HMBOX1: variants seen among roughly 807,000 people sequenced by gnomAD.
The protein encoded by HMBOX1 is homeobox-containing protein 1.
HMBOX1 carries 14 observed loss-of-function variants against 54.5 expected under a neutral mutation model. The ratio of observed to expected loss-of-function variants is 0.26; its 90% CI spans 0.17 to 0.40. HMBOX1 has a LOEUF of 0.40. Ranked by LOEUF, HMBOX1 falls within the 10% of genes least tolerant of loss-of-function variation. HMBOX1 has a pLI of 1.00. For missense variants in HMBOX1, 332 were observed against 514.4 expected (o/e 0.65, Z 3.43); for synonymous variants, 160 against 181.0 (o/e 0.88, Z 0.93).
chr8:28,955,673 T>TG (rs1257167831), intron 1 of HMBOX1, among the ~76,000 whole-genome samples: 1 of 152,140 alleles, frequency 6.6e-6, no homozygotes, highest in African/African-American at 2.4e-5. Flanking sequence ...AAATTGGGGC[T>TG]GGGCACGGTG....
At chr8:28,951,431 C>T in intron 1 of HMBOX1, among the ~76,000 whole-genome samples, 1 of 152,006 alleles carries the variant, frequency 6.6e-6, no homozygotes, top group Non-Finnish European at 1.5e-5. Flanking sequence ...GCGCCCGGCC[C>T]AAATAATATT....
chr8:28,911,703 A>G (rs1389714131), intron 1 of HMBOX1, among the ~76,000 whole-genome samples: 1 of 152,126 alleles, frequency 6.6e-6, no homozygotes, highest in African/African-American at 2.4e-5. Flanking sequence ...CCCCTGCTGC[A>G]GTGGTCATCT....
chr8:28,910,953 A>G (rs923648808), intron 1 of HMBOX1, among the ~76,000 whole-genome samples: 2 of 152,200 alleles, frequency 1.3e-5, no homozygotes, highest in Admixed American at 6.5e-5. Flanking sequence ...CTTCAGCTCT[A>G]TTTCAGAAAG....
chr8:28,924,450 A>ATT (rs201997388), intron 1 of HMBOX1, among the ~76,000 whole-genome samples: 16 of 127,858 alleles, frequency 1.3e-4, no homozygotes, highest in African/African-American at 2.4e-4. Context: ...AATTTATCTA[A>ATT]TTTTTTTTTT....
At position 29,051,416 on chromosome 8, in the gene HMBOX1, C is replaced by A; in HGVS notation, c.*261C>A. 1 of 658,326 alleles carries A rather than the reference C, an allele frequency of 1.5e-6. No homozygotes were observed. Among genetic ancestry groups the A allele is most frequent in the South Asian group, 1.6e-5 (1 of 60,956 alleles). The allele number at this position is 658,326 out of a possible 1,614,324, so 40.8% of individuals were successfully genotyped here. Reference sequence around the variant, plus strand: ...CCCCCGAGGCTAGAAAATCTTGCTGCTCCGTCTTAGCATTCCAAGAAAGTG... The same window carrying A: ...CCCCCGAGGCTAGAAAATCTTGCTGATCCGTCTTAGCATTCCAAGAAAGTG... On this transcript the variant is annotated 3_prime_UTR_variant, in exon 10 of 10. Transcript: ENST00000287701.
intron 5 of HMBOX1, among the ~76,000 whole-genome samples, chr8:29,011,679 T>C (rs181325493): frequency 6.6e-6 from 1 of 152,354 alleles, no homozygotes; most frequent in East Asian, 1.9e-4. Flanking sequence ...GGAGTCCAGC[T>C]TTAGCACTGG....
chr8:28,950,274 T>G (rs1182444436), intron 1 of HMBOX1, among the ~76,000 whole-genome samples: 1 of 152,214 alleles, frequency 6.6e-6, no homozygotes, highest in Non-Finnish European at 1.5e-5. Context: ...TAGTTTAGAT[T>G]CAGTAAGTCC....
In HMBOX1 at chr8:28,903,502, C is replaced by T. The variant is rs890778897; in HGVS notation, c.-58+12824C>T. Reference sequence around the variant, plus strand: ...TTCTTGCATCTCCTTTTTTTTCTCCCTTTGCTGTTTTTTCTTTCTTTTTTC... The same window carrying T: ...TTCTTGCATCTCCTTTTTTTTCTCCTTTTGCTGTTTTTTCTTTCTTTTTTC... On this transcript the variant is annotated intron_variant, in intron 1 of 9. Transcript: ENST00000287701. Among the ~76,000 whole-genome samples the T allele has an allele frequency of 5.3e-5, 8 of 152,188 alleles. No homozygotes were observed. In the South Asian group the frequency reaches 1.0e-3, roughly 20 times the overall value.
At chr8:28,944,193 T>C (rs1289498405) in intron 1 of HMBOX1, among the ~76,000 whole-genome samples, 1 of 152,238 alleles carries the variant, frequency 6.6e-6, no homozygotes, top group Non-Finnish European at 1.5e-5. Context: ...TGATGTTTTT[T>C]AGTCACAACG....
intron 4 of HMBOX1, among the ~76,000 whole-genome samples, chr8:29,008,556 A>G (rs754026686): frequency 9.2e-5 from 14 of 152,152 alleles, no homozygotes; most frequent in Non-Finnish European, 1.9e-4. Flanking sequence ...TTAACAAATA[A>G]GCCAAAAAAA....
intron 5 of HMBOX1, among the ~76,000 whole-genome samples, chr8:29,014,972 G>T (rs969300365): frequency 1.3e-5 from 2 of 152,086 alleles, no homozygotes; most frequent in South Asian, 2.1e-4. Context: ...GAGCCACCGC[G>T]CCCGGCCTTG....
chr8:28,951,289 C>T (rs115983129), intron 1 of HMBOX1, among the ~76,000 whole-genome samples: 4,762 of 152,210 alleles, frequency 0.031, 264 homozygotes, highest in African/African-American at 0.11. Flanking sequence ...CATGCCACTA[C>T]GCCCAGCTAA....
At chr8:28,972,675 TTAAA>T (rs1406248297) in intron 3 of HMBOX1, among the ~76,000 whole-genome samples, 1 of 152,232 alleles carries the variant, frequency 6.6e-6, no homozygotes, top group African/African-American at 2.4e-5. Context: ...CAGTTAATTC[TTAAA>T]TGTGTATAAG....
chr8:29,037,286 T>C (rs1031869688), intron 6 of HMBOX1, among the ~76,000 whole-genome samples: 44 of 152,316 alleles, frequency 2.9e-4, no homozygotes, highest in African/African-American at 1.0e-3. Context: ...CAAAACAAAC[T>C]TTTAAAATGC....
intron 1 of HMBOX1, among the ~76,000 whole-genome samples, chr8:28,915,133 T>C (rs1380515445): frequency 6.6e-6 from 1 of 152,218 alleles, no homozygotes; most frequent in African/African-American, 2.4e-5. Flanking sequence ...TTGTTTTACT[T>C]TGCATTCTCA....
chr8:29,034,739 C>G (rs1372356103), intron 6 of HMBOX1, among the ~76,000 whole-genome samples: 2 of 152,146 alleles, frequency 1.3e-5, no homozygotes, highest in Non-Finnish European at 2.9e-5. Context: ...TGCCTGTAAT[C>G]CCAGCTACTT....
chr8:29,035,615 G>A (rs994888202), intron 6 of HMBOX1, among the ~76,000 whole-genome samples: 11 of 152,162 alleles, frequency 7.2e-5, no homozygotes, highest in African/African-American at 2.7e-4. Flanking sequence ...TGGGACTTAG[G>A]TACCACGGTT....
At chr8:28,987,214 T>C (rs139186274) in intron 4 of HMBOX1, among the ~76,000 whole-genome samples, 1 of 152,202 alleles carries the variant, frequency 6.6e-6, no homozygotes, top group South Asian at 2.1e-4. Context: ...CAGATGTGGT[T>C]TTTCCCTCAT....
intron 1 of HMBOX1, among the ~76,000 whole-genome samples, chr8:28,954,721 G>A (rs1824089631): frequency 6.6e-6 from 1 of 152,152 alleles, no homozygotes; most frequent in Non-Finnish European, 1.5e-5. Flanking sequence ...TATACTGCTA[G>A]TGTTTTACCC....
Sources: gnomAD v4.1 joint callset for allele counts (sites outside exome capture counted in the v4.1 genomes callset) on GRCh38, gnomAD v4.1.1 for gene constraint, MANE v1.5 for transcripts, NCBI Gene and HGNC (gene_info 2026-07-23, HGNC 2026-07-21) for gene names.